Variants in PPFIA1 observed in about 807,000 individuals in gnomAD.
The protein encoded by PPFIA1 is PPFI scaffold protein A1.
In PPFIA1, 25 loss-of-function variants were observed where a neutral mutation model predicts 149.9. That is an observed-to-expected ratio of 0.17 (90% CI 0.12 to 0.23). PPFIA1 has a LOEUF of 0.23. Among genes scored for constraint, PPFIA1 ranks in the 10% least tolerant of loss-of-function variants. The probability of loss-of-function intolerance (pLI) is 1.00; values close to 1 mark genes in which losing one functional copy is unlikely to be tolerated. For synonymous variants in PPFIA1, 549 were observed against 552.8 expected (o/e 0.99, Z 0.10); for missense variants, 1,362 against 1,506.5 (o/e 0.90, Z 1.59).
intron 7 of PPFIA1, among the ~76,000 whole-genome samples, chr11:70,328,416 GT>G (rs2054451017): frequency 6.6e-6 from 1 of 152,122 alleles, no homozygotes; most frequent in South Asian, 2.1e-4. Context: ...ATCTCATTCT[GT>G]TTTATGGCTG....
At chr11:70,335,252 C>T (rs2054900798) in intron 10 of PPFIA1, among the ~76,000 whole-genome samples, 1 of 152,192 alleles carries the variant, frequency 6.6e-6, no homozygotes, top group Non-Finnish European at 1.5e-5. Context: ...CAGGCTCATC[C>T]TCTAAATATC....
intron 2 of PPFIA1, among the ~76,000 whole-genome samples, chr11:70,281,674 G>T (rs1278349486): frequency 1.3e-5 from 2 of 152,150 alleles, no homozygotes; most frequent in African/African-American, 4.8e-5. Context: ...TTTCTTCCCA[G>T]TTATCAGTGT....
At chr11:70,289,196 T>C (rs2136189975) in intron 2 of PPFIA1, among the ~76,000 whole-genome samples, 1 of 152,050 alleles carries the variant, frequency 6.6e-6, no homozygotes, top group East Asian at 1.9e-4. Flanking sequence ...GGTTTTGAAC[T>C]CCTGACCTCA....
intron 2 of PPFIA1, among the ~76,000 whole-genome samples, chr11:70,318,496 C>A (rs1479418706): frequency 6.6e-6 from 1 of 152,232 alleles, no homozygotes; most frequent in African/African-American, 2.4e-5. Flanking sequence ...CCACTGGATT[C>A]TTGCCCTCAC....
intron 2 of PPFIA1, among the ~76,000 whole-genome samples, chr11:70,315,052 G>A (rs1261352521): frequency 1.3e-5 from 2 of 152,162 alleles, no homozygotes; most frequent in Non-Finnish European, 2.9e-5. Context: ...ACGGCATGGG[G>A]TAACCGCCCT....
chr11:70,296,567 A>T (rs2052040632), intron 2 of PPFIA1, among the ~76,000 whole-genome samples: 1 of 151,838 alleles, frequency 6.6e-6, no homozygotes. Context: ...CTGCAATCGC[A>T]GGCACTCGGC....
rs1432034327 is a variant in PPFIA1 at position 70,378,179 on chromosome 11, G to C, written c.3534G>C (p.Lys1178Asn). The change falls in exon 26 of 28, where the codon AAG becomes AAC. Residue 1178 changes from lysine to asparagine, a missense_variant. Transcript: ENST00000253925. ...TGTCTTCCCCCTCTATGCAGCCAAA[G>C]AAGATGCAGATGGACGGTATGTGAT... Reference protein sequence around the residue: ...SSMSSPSMQPKKMQMDGNVSG... With the variant: ...SSMSSPSMQPNKMQMDGNVSG... 2 of 1,613,980 alleles carry C rather than the reference G, an allele frequency of 1.2e-6. No individual in the cohort carries two copies. Among genetic ancestry groups the C allele is most frequent in the Admixed American group, 1.7e-5 (1 of 59,992 alleles).
chr11:70,291,539 C>T (rs1250812432), intron 2 of PPFIA1, among the ~76,000 whole-genome samples: 1 of 152,188 alleles, frequency 6.6e-6, no homozygotes, highest in Non-Finnish European at 1.5e-5. Context: ...CACTGGAGGG[C>T]GATCTCAGCA....
At chr11:70,343,618 A>G in intron 14 of PPFIA1, 51 bp from the exon 15 acceptor site, 1 of 1,501,340 alleles carries the variant, frequency 6.7e-7, no homozygotes, top group African/African-American at 1.4e-5. Context: ...TTATGTTTCT[A>G]CAACTAATGT....
chr11:70,380,431 G>T (rs2057665212), intron 26 of PPFIA1, among the ~76,000 whole-genome samples: 1 of 151,276 alleles, frequency 6.6e-6, no homozygotes. Context: ...AAAAAAATTA[G>T]CTGGGCACGG....
At chr11:70,278,363 C>G (rs1345667274) in intron 2 of PPFIA1, among the ~76,000 whole-genome samples, 1 of 152,186 alleles carries the variant, frequency 6.6e-6, no homozygotes, top group Non-Finnish European at 1.5e-5. Context: ...GATGATTTTG[C>G]TGGGTATAGA....
At chr11:70,326,138 T>G in intron 5 of PPFIA1, 124 bp from the exon 6 acceptor site, 2 of 602,720 alleles carry the variant, frequency 3.3e-6, no homozygotes, top group South Asian at 4.4e-5. Context: ...CATTGCCATA[T>G]GCTTTCTCTT....
chr11:70,327,239 G>A (rs2054355110), intron 7 of PPFIA1: 1 of 167,578 alleles, frequency 6.0e-6, no homozygotes, highest in Non-Finnish European at 1.3e-5. Context: ...GATACTGGCT[G>A]TGCTAGCTCA....
intron 12 of PPFIA1, 135 bp downstream of exon 12, chr11:70,337,562 C>T (rs2055059757): frequency 7.1e-6 from 4 of 560,550 alleles, no homozygotes; most frequent in East Asian, 6.6e-5. Context: ...AAGTTTCTAG[C>T]ACTCTCAGGC....
intron 9 of PPFIA1, 134 bp from the exon 10 acceptor site, chr11:70,333,336 A>AGTAC (rs2054783132): frequency 1.4e-6 from 1 of 712,952 alleles, no homozygotes; most frequent in East Asian, 2.7e-5. Context: ...TTGATGGATG[A>AGTAC]GTACATGCTT....
chr11:70,357,826 A>G (rs2056430976), intron 19 of PPFIA1, among the ~76,000 whole-genome samples: 1 of 152,148 alleles, frequency 6.6e-6, no homozygotes, highest in African/African-American at 2.4e-5. Flanking sequence ...TGACCTCGTG[A>G]TCTGCCCGCC....
At chr11:70,308,012 A>T (rs2136458485) in intron 2 of PPFIA1, among the ~76,000 whole-genome samples, 1 of 152,348 alleles carries the variant, frequency 6.6e-6, no homozygotes, top group Non-Finnish European at 1.5e-5. Context: ...GCCAAAATGT[A>T]TTTAGAAATA....
At chr11:70,295,801 T>C (rs188328248) in intron 2 of PPFIA1, among the ~76,000 whole-genome samples, 31,731 of 145,760 alleles carry the variant, frequency 0.22, 5,174 homozygotes, top group African/African-American at 0.46. Context: ...ACCTCCCTCC[T>C]GGACGGGGCG....
chr11:70,345,091 C>T (rs1421673551), intron 15 of PPFIA1, among the ~76,000 whole-genome samples: 1 of 148,806 alleles, frequency 6.7e-6, no homozygotes, highest in African/African-American at 2.5e-5. Context: ...GGAGAAAGTC[C>T]CACAGCCTTT....
Sources: gnomAD v4.1 joint callset for allele counts (sites outside exome capture counted in the v4.1 genomes callset) on GRCh38, gnomAD v4.1.1 for gene constraint, MANE v1.5 for transcripts, NCBI Gene and HGNC (gene_info 2026-07-23, HGNC 2026-07-21) for gene names.